DNAH12: variants seen among roughly 807,000 people sequenced by gnomAD.
DNAH12 encodes dynein axonemal heavy chain 12, also known as axonemal beta dynein heavy chain 12.
DNAH12 carries 285 observed loss-of-function variants against 371.5 expected under a neutral mutation model. The observed-to-expected ratio is 0.77, with a 90% confidence interval of 0.70 to 0.85. The LOEUF is 0.85. DNAH12 is among the 40% of genes least tolerant of loss of function. The probability of loss-of-function intolerance (pLI) is 0.00; values close to 1 mark genes in which losing one functional copy is unlikely to be tolerated. For missense variants in DNAH12, 3,611 were observed against 3,689.4 expected (o/e 0.98, Z 0.55); for synonymous variants, 1,200 against 1,213.0 (o/e 0.99, Z 0.22).
At chr3:57,370,851 A>AG (rs2063155370) in intron 55 of DNAH12, among the ~76,000 whole-genome samples, 1 of 152,174 alleles carries the variant, frequency 6.6e-6, no homozygotes. Context: ...GAGGCTCACT[A>AG]GGTCCATATG....
intron 11 of DNAH12, among the ~76,000 whole-genome samples, chr3:57,495,830 A>G (rs1477567176): frequency 7.0e-6 from 1 of 142,180 alleles, no homozygotes; most frequent in Non-Finnish European, 1.5e-5. Context: ...TTATATATTT[A>G]TATATATTTT....
rs1255071590 is a variant in DNAH12, at chr3:57,489,751, G to A, written c.1336-64C>T. The A allele has an allele frequency of 3.6e-6, 5 of 1,378,344 alleles. No individual in the cohort carries two copies. In the African/African-American group the frequency reaches 6.1e-5, roughly 17 times the overall value. The allele number at this position is 1,378,344 out of a possible 1,614,324, so 85.4% of individuals were successfully genotyped here. On this transcript the variant is annotated intron_variant, in intron 11 of 73. Coordinates refer to ENST00000495027, the MANE Select transcript of DNAH12 (RefSeq NM_001366028.2). Reference sequence around the variant, plus strand: ...GAACTTTCAGTGATTTTATAATATTGTATTGTTATGAAAGTCCTAATTATA... The same window carrying A: ...GAACTTTCAGTGATTTTATAATATTATATTGTTATGAAAGTCCTAATTATA...
At chr3:57,377,474 T>C (rs1040783076) in intron 52 of DNAH12, among the ~76,000 whole-genome samples, 2 of 152,248 alleles carry the variant, frequency 1.3e-5, no homozygotes, top group Middle Eastern at 3.4e-3. Flanking sequence ...TGTCAAAATA[T>C]GTAGCAAAAA....
chr3:57,444,806 G>A lies in DNAH12; in HGVS notation c.4436C>T (p.Ser1479Leu). The A allele has an allele frequency of 6.5e-7, 1 of 1,540,746 alleles. No homozygotes were observed. The highest frequency in any genetic ancestry group is 8.7e-7 in the Non-Finnish European group (1 of 1,143,100). Residue 1479 changes from serine to leucine, a missense_variant, in exon 29 of 74, where the codon TCA becomes TTA. Physicochemically the swap from Ser to Leu is moderately radical, Grantham distance 145 (BLOSUM62 -2). Around this residue, in one of 3 missense-constraint regions of DNAH12, gnomAD observed 2,266 missense variants for 2,236.9 expected, o/e 1.01. Transcript: ENST00000495027. ...NENEDILLLR[S>L]IKDVNEPKFL... ...CTTTGGTTCATTTACATCTTTAATT[G>A]ATCGAAGAAGCTAAAATTACCCAAA...
chr3:57,298,190 G>C (rs1292950417), intron 70 of DNAH12, among the ~76,000 whole-genome samples: 1 of 152,182 alleles, frequency 6.6e-6, no homozygotes, highest in African/African-American at 2.4e-5. Flanking sequence ...ACTCCACCTA[G>C]CCATGCAGGG....
chr3:57,325,627 A>C (rs960362012), intron 62 of DNAH12, among the ~76,000 whole-genome samples: 1 of 152,222 alleles, frequency 6.6e-6, no homozygotes, highest in African/African-American at 2.4e-5. Context: ...GGGAAAAAAC[A>C]GAGCAGAAAA....
intron 69 of DNAH12, 62 bp downstream of exon 69, chr3:57,309,089 A>G (rs879903573): frequency 7.5e-7 from 1 of 1,325,084 alleles, no homozygotes; most frequent in Non-Finnish European, 1.0e-6. Flanking sequence ...ACACTATTTT[A>G]TTTTTCTTAT....
intron 42 of DNAH12, among the ~76,000 whole-genome samples, chr3:57,404,258 ATAG>A (rs1553680182): frequency 9.1e-4 from 138 of 152,358 alleles, no homozygotes; most frequent in African/African-American, 3.3e-3. Flanking sequence ...AGAATGCAAT[ATAG>A]TGGTAAATAT....
Position 57,296,325 on chromosome 3 carries a change from G to A in DNAH12, c.11624+19C>T, listed in dbSNP as rs2107640712. 1 of 1,524,486 alleles carries A rather than the reference G, an allele frequency of 6.6e-7. No individual in the cohort carries two copies. The highest frequency in any genetic ancestry group is 8.9e-7 in the Non-Finnish European group (1 of 1,125,832). The allele number at this position is 1,524,486 out of a possible 1,614,324, so 94.4% of individuals were successfully genotyped here. On this transcript the variant is annotated intron_variant, in intron 72 of 73. Transcript: ENST00000495027. ...ATTCAGCTACAAATGAAGAGGTCCT[G>A]GCAGCTGAATCCACTGACCTTTCTC...
chr3:57,505,571 G>A (rs9823616), intron 8 of DNAH12, among the ~76,000 whole-genome samples: 9,911 of 151,914 alleles, frequency 0.065, 1,112 homozygotes, highest in African/African-American at 0.23. Context: ...CCCCTGAGTA[G>A]CTGGGATTAC....
intron 62 of DNAH12, among the ~76,000 whole-genome samples, chr3:57,331,036 T>C (rs1320107959): frequency 6.6e-6 from 1 of 152,202 alleles, no homozygotes; most frequent in Non-Finnish European, 1.5e-5. Flanking sequence ...TCATAGACAT[T>C]TGTTGAGCTT....
chr3:57,437,813 G>A (rs2065175892), intron 29 of DNAH12, among the ~76,000 whole-genome samples: 2 of 152,184 alleles, frequency 1.3e-5, no homozygotes, highest in African/African-American at 2.4e-5. Flanking sequence ...AGAATGCTTA[G>A]ATCCCAAAAT....
the DNAH12 span, among the ~76,000 whole-genome samples, chr3:57,550,963 C>T: frequency 6.7e-6 from 1 of 150,080 alleles, no homozygotes; most frequent in Non-Finnish European, 1.5e-5. Context: ...ACTGCAAGCT[C>T]CGCTTCCTGG....
chr3:57,458,207 G>A lies in DNAH12; in HGVS notation c.2945C>T (p.Thr982Ile), dbSNP rs1357398123. 1 of 1,543,894 alleles carries A rather than the reference G, an allele frequency of 6.5e-7. No individual in the cohort carries two copies. ...TTTTTCCAATAAACCTGTTAAAGAA[G>A]TGGCAGCAAGAACCTAAACGAGACA... ...CAKDPKVLAA[T>I]SLTGLLEKLQ... The change falls in exon 21 of 74, where the codon ACT (threonine) becomes ATT (isoleucine). Residue 982 changes from threonine (T) to isoleucine (I), a missense_variant. Around this residue, in one of 3 missense-constraint regions of DNAH12, gnomAD observed 1,314 missense variants for 1,398.7 expected, o/e 0.94. Coordinates refer to ENST00000495027, the MANE Select transcript of DNAH12 (RefSeq NM_001366028.2).
chr3:57,467,988 C>A (rs2066253899), intron 17 of DNAH12, among the ~76,000 whole-genome samples: 1 of 152,126 alleles, frequency 6.6e-6, no homozygotes, highest in African/African-American at 2.4e-5. Flanking sequence ...CTCCCAAAAC[C>A]AATCACTCAG....
chr3:57,510,181 T>C (rs1179802954), intron 5 of DNAH12, among the ~76,000 whole-genome samples: 3 of 152,070 alleles, frequency 2.0e-5, no homozygotes, highest in Non-Finnish European at 2.9e-5. Flanking sequence ...TAGTATTTTC[T>C]AGCAAACCTA....
At chr3:57,549,300 G>A (rs1211747377), upstream of DNAH12, among the ~76,000 whole-genome samples, 2 of 152,112 alleles carry the variant, frequency 1.3e-5, no homozygotes, top group Non-Finnish European at 2.9e-5. Context: ...CAAATCACTT[G>A]AGGTCAGGAG....
At chr3:57,465,008 T>C (rs2066157321) in intron 17 of DNAH12, among the ~76,000 whole-genome samples, 1 of 152,218 alleles carries the variant, frequency 6.6e-6, no homozygotes, top group South Asian at 2.1e-4. Flanking sequence ...CTTCAGCCAA[T>C]GTAATATGGG....
chr3:57,319,130 T>C (rs943564567), intron 65 of DNAH12, among the ~76,000 whole-genome samples: 1 of 152,190 alleles, frequency 6.6e-6, no homozygotes, highest in Non-Finnish European at 1.5e-5. Flanking sequence ...TTTGGTACTA[T>C]TATAAATGGG....
Sources: gnomAD v4.1 joint callset for allele counts (sites outside exome capture counted in the v4.1 genomes callset) on GRCh38, gnomAD v4.1.1 for gene constraint, gnomAD v4.1.1 regional missense constraint, MANE v1.5 for transcripts, NCBI Gene and HGNC (gene_info 2026-07-23, HGNC 2026-07-21) for gene names.